The following MAK variants were observed in gnomAD, a reference collection of about 807,000 sequenced individuals.
MAK encodes serine/threonine-protein kinase MAK.
MAK carries 65 observed loss-of-function variants against 82.6 expected under a neutral mutation model. The observed-to-expected ratio is 0.79, with a 90% confidence interval of 0.64 to 0.97. The LOEUF is 0.97. Among genes scored for constraint, MAK ranks in the 50% least tolerant of loss-of-function variants. The pLI is 0.00. For missense variants in MAK, 703 were observed against 780.2 expected (o/e 0.90, Z 1.18); for synonymous variants, 250 against 274.2 (o/e 0.91, Z 0.87).
rs753647340 is a variant in MAK at position 10,830,630 on chromosome 6, T to C, written c.19A>G (p.Met7Val). The part of the protein sequence containing the change: MNRYTT[M>V]RQLGDGTYGS... ...TACGTGCCGTCCCCCAACTGTCTCA[T>C]GGTTGTGTATCGGTTCATCTTGGAA... is the stretch of plus-strand genomic sequence containing the variant. The change falls in exon 2 of 15, where the codon ATG becomes GTG. Residue 7 changes from methionine (M) to valine (V), a missense_variant. By Grantham distance (21) the Met-to-Val change is conservative. Transcript: ENST00000354489. 11 of 1,613,848 alleles carry C rather than the reference T, an allele frequency of 6.8e-6. No homozygotes were observed. Among genetic ancestry groups the C allele is most frequent in the Non-Finnish European group, 9.3e-6 (11 of 1,179,722 alleles).
intron 9 of MAK, 90 bp downstream of exon 9, chr6:10,795,908 C>G: frequency 1.4e-6 from 2 of 1,412,380 alleles, no homozygotes; most frequent in Non-Finnish European, 1.0e-6. Context: ...TCTTTTATAT[C>G]TTTTCCAACA....
intron 8 of MAK, among the ~76,000 whole-genome samples, chr6:10,798,989 C>G (rs1277722768): frequency 6.6e-6 from 1 of 151,998 alleles, no homozygotes; most frequent in African/African-American, 2.4e-5. Context: ...GTCACCATGC[C>G]TAGCTAATTT....
chr6:10,789,331 C>A (rs1321916030), intron 10 of MAK, among the ~76,000 whole-genome samples: 1 of 152,076 alleles, frequency 6.6e-6, no homozygotes, highest in Non-Finnish European at 1.5e-5. Flanking sequence ...GGAAACAGAG[C>A]ATTTTAGTAT....
intron 6 of MAK, among the ~76,000 whole-genome samples, chr6:10,805,586 AAG>A (rs1416467642): frequency 1.3e-5 from 2 of 151,886 alleles, no homozygotes; most frequent in East Asian, 3.9e-4. Flanking sequence ...AAAAAAAAAA[AAG>A]AAGTTTGGTG....
chr6:10,777,106 T>C (rs1446353818), intron 11 of MAK, among the ~76,000 whole-genome samples: 1 of 149,072 alleles, frequency 6.7e-6, no homozygotes, highest in African/African-American at 2.5e-5. Context: ...TGGCAATTAC[T>C]CATATTAAAA....
At chr6:10,774,782 AT>A (rs1229771233) in intron 12 of MAK, among the ~76,000 whole-genome samples, 1 of 152,204 alleles carries the variant, frequency 6.6e-6, no homozygotes, top group African/African-American at 2.4e-5. Flanking sequence ...ACATACCAGA[AT>A]TTCCATTTCA....
intron 5 of MAK, among the ~76,000 whole-genome samples, chr6:10,813,221 T>C (rs1163005363): frequency 7.6e-6 from 1 of 132,188 alleles, no homozygotes; most frequent in Non-Finnish European, 1.6e-5. Context: ...TGATCTCAGC[T>C]CACTGCAACC....
chr6:10,826,854 G>A (rs1196583264), intron 2 of MAK, among the ~76,000 whole-genome samples: 3 of 152,184 alleles, frequency 2.0e-5, no homozygotes, highest in African/African-American at 4.8e-5. Flanking sequence ...GCTCACGCCT[G>A]TAATCCCAGC....
chr6:10,801,741 A>T, intron 8 of MAK, 151 bp downstream of exon 8: 1 of 663,710 alleles, frequency 1.5e-6, no homozygotes, highest in Non-Finnish European at 2.6e-6. Flanking sequence ...CTAGAAATTA[A>T]TTTATTACAT....
At chr6:10,784,304 A>C in intron 11 of MAK, 120 bp downstream of exon 11, 2 of 976,356 alleles carry the variant, frequency 2.0e-6, no homozygotes, top group Non-Finnish European at 1.6e-6. Flanking sequence ...TGAGCTACCA[A>C]AGAGCTCTGT....
intron 2 of MAK, among the ~76,000 whole-genome samples, chr6:10,823,032 A>G (rs1386421957): frequency 6.6e-6 from 1 of 152,188 alleles, no homozygotes; most frequent in African/African-American, 2.4e-5. Flanking sequence ...CCTCCAACAC[A>G]TCCTAGCCAG....
chr6:10,766,690 G>A (rs987221919), intron 14 of MAK, among the ~76,000 whole-genome samples: 11 of 152,294 alleles, frequency 7.2e-5, no homozygotes, highest in African/African-American at 2.6e-4. Flanking sequence ...CAGCGTGGGA[G>A]GGGAGTAGAG....
intron 8 of MAK, chr6:10,797,509 A>G: frequency 1.3e-6 from 1 of 780,356 alleles, no homozygotes; most frequent in Non-Finnish European, 1.6e-6. Context: ...GCAAAGAGTT[A>G]TCTGGTTCAC....
chr6:10,782,997 C>T (rs186610759), intron 11 of MAK, among the ~76,000 whole-genome samples: 1 of 152,224 alleles, frequency 6.6e-6, no homozygotes, highest in East Asian at 1.9e-4. Flanking sequence ...TTTGCCATGC[C>T]CCATCTTCCC....
At chr6:10,817,765 CT>C in intron 4 of MAK, 84 bp downstream of exon 4, 1 of 1,130,698 alleles carries the variant, frequency 8.8e-7, no homozygotes, top group Non-Finnish European at 1.3e-6. Context: ...AGCAATCAAT[CT>C]TTCTCTCATA....
chr6:10,775,759 T>G (rs1240957529), intron 11 of MAK, among the ~76,000 whole-genome samples: 1 of 152,098 alleles, frequency 6.6e-6, no homozygotes, highest in Non-Finnish European at 1.5e-5. Flanking sequence ...GCACAAAAAT[T>G]TTTCTTCAAC....
In MAK at chr6:10,764,333, C is replaced by T; in HGVS notation, c.*119G>A. On this transcript the variant is annotated 3_prime_UTR_variant, in exon 15 of 15. Transcript: ENST00000354489. Reference sequence around the variant, plus strand: ...GATGATTTTTGCCCTTCCAAGTACCCACTTTTGCATATTTCTTCCAGAACT... The same window carrying T: ...GATGATTTTTGCCCTTCCAAGTACCTACTTTTGCATATTTCTTCCAGAACT... 1 of 1,116,494 alleles carries T rather than the reference C, an allele frequency of 9.0e-7. No individual in the cohort carries two copies. Among genetic ancestry groups the T allele is most frequent in the Admixed American group, 2.4e-5 (1 of 41,642 alleles). The allele number at this position is 1,116,494 out of a possible 1,614,324, so 69.2% of individuals were successfully genotyped here.
chr6:10,818,419 G>C (rs1777656468), intron 3 of MAK, among the ~76,000 whole-genome samples: 1 of 152,118 alleles, frequency 6.6e-6, no homozygotes, highest in Non-Finnish European at 1.5e-5. Flanking sequence ...TTGCAGACCA[G>C]CCTGGCCAAC....
In MAK at chr6:10,764,374, TTTG is replaced by T; in HGVS notation, c.*75_*77del. 1 of 1,475,456 alleles carries T rather than the reference TTTG, an allele frequency of 6.8e-7. No homozygotes were observed. Among genetic ancestry groups the T allele is most frequent in the African/African-American group, 1.4e-5 (1 of 71,958 alleles). The allele number at this position is 1,475,456 out of a possible 1,614,324, so 91.4% of individuals were successfully genotyped here. On this transcript the variant is annotated 3_prime_UTR_variant, in exon 15 of 15. Transcript: ENST00000354489. ...TTCCAGAACTCAGTAGAAATAGACA[TTTG>T]TAGACATTTCCCAGGGTCAAGGAAC...
Sources: gnomAD v4.1 joint callset for allele counts (sites outside exome capture counted in the v4.1 genomes callset) on GRCh38, gnomAD v4.1.1 for gene constraint, MANE v1.5 for transcripts, NCBI Gene and HGNC (gene_info 2026-07-23, HGNC 2026-07-21) for gene names.